The following LRRC4C variants were observed in gnomAD, a reference collection of about 807,000 sequenced individuals.
LRRC4C encodes leucine-rich repeat-containing protein 4C.
Under a neutral mutation model 33.6 loss-of-function variants are expected in LRRC4C, and 5 were observed. That is an observed-to-expected ratio of 0.15 (90% CI 0.08 to 0.31). The LOEUF is 0.31. LRRC4C is among the 10% of genes least tolerant of loss of function. LRRC4C has a pLI of 1.00. For synonymous variants in LRRC4C, 329 were observed against 302.0 expected (o/e 1.09, Z -0.93); for missense variants, 560 against 796.7 (o/e 0.70, Z 3.58).
chr11:40,323,341 T>C (rs1160213579), intron 3 of LRRC4C, among the ~76,000 whole-genome samples: 1 of 152,234 alleles, frequency 6.6e-6, no homozygotes, highest in African/African-American at 2.4e-5. Flanking sequence ...TACAACATGT[T>C]TTAAATTTAC....
At chr11:40,644,534 A>G (rs1942322576) in intron 3 of LRRC4C, among the ~76,000 whole-genome samples, 2 of 152,220 alleles carry the variant, frequency 1.3e-5, no homozygotes, top group South Asian at 4.1e-4. Context: ...ATCCTTCAAC[A>G]GGTAAATAAT....
chr11:40,555,931 C>T (rs1173969031), intron 3 of LRRC4C, among the ~76,000 whole-genome samples: 1 of 151,988 alleles, frequency 6.6e-6, no homozygotes, highest in Non-Finnish European at 1.5e-5. Context: ...TTCAATGTTC[C>T]TTATTTTATT....
chr11:41,019,570 ACT>A (rs1565307106), intron 1 of LRRC4C, among the ~76,000 whole-genome samples: 4 of 151,632 alleles, frequency 2.6e-5, no homozygotes, highest in Admixed American at 6.6e-5. Flanking sequence ...GGTATTTCTG[ACT>A]CTAGATCCTT....
At chr11:41,139,708 A>AT (rs61335742) in intron 1 of LRRC4C, among the ~76,000 whole-genome samples, 2 of 151,968 alleles carry the variant, frequency 1.3e-5, no homozygotes, top group African/African-American at 4.8e-5. Flanking sequence ...ATACTTTTCA[A>AT]TTTTTTTTTA....
chr11:40,948,296 GT>G (rs1958505749), intron 1 of LRRC4C, among the ~76,000 whole-genome samples: 1 of 152,122 alleles, frequency 6.6e-6, no homozygotes, highest in South Asian at 2.1e-4. Flanking sequence ...AGAACATAGA[GT>G]TCGTGGGTTT....
At chr11:40,875,637 A>T (rs78613820) in intron 2 of LRRC4C, among the ~76,000 whole-genome samples, 5,011 of 152,208 alleles carry the variant, frequency 0.033, 120 homozygotes, top group South Asian at 0.086. Context: ...TGGATAAGAG[A>T]TGTTCAACCT....
chr11:40,871,554 A>G (rs1954647756), intron 2 of LRRC4C, among the ~76,000 whole-genome samples: 1 of 152,136 alleles, frequency 6.6e-6, no homozygotes, highest in Non-Finnish European at 1.5e-5. Flanking sequence ...TCACAGCTTG[A>G]ATGATTACAT....
intron 3 of LRRC4C, among the ~76,000 whole-genome samples, chr11:40,516,730 T>A (rs1955575523): frequency 6.6e-6 from 1 of 152,104 alleles, no homozygotes; most frequent in African/African-American, 2.4e-5. Context: ...TTCTTCTGCA[T>A]AAAATTACCT....
At chr11:40,607,990 G>A (rs746031592) in intron 3 of LRRC4C, among the ~76,000 whole-genome samples, 1 of 152,030 alleles carries the variant, frequency 6.6e-6, no homozygotes, top group Non-Finnish European at 1.5e-5. Context: ...GCCCTGCGAG[G>A]GGGATAAGGG....
At chr11:40,787,080 G>A (rs565995747) in intron 2 of LRRC4C, among the ~76,000 whole-genome samples, 3 of 152,208 alleles carry the variant, frequency 2.0e-5, no homozygotes, top group African/African-American at 7.2e-5. Flanking sequence ...AGGAGCTGAA[G>A]AGCCACATAG....
chr11:40,360,266 AGAAAG>A (rs938027178), intron 3 of LRRC4C, among the ~76,000 whole-genome samples: 15 of 152,284 alleles, frequency 9.9e-5, no homozygotes, highest in Middle Eastern at 6.8e-3. Flanking sequence ...GACAGTATTT[AGAAAG>A]GCAAAGAAGG....
At chr11:40,175,431 A>C (rs1418694007) in intron 5 of LRRC4C, among the ~76,000 whole-genome samples, 1 of 152,180 alleles carries the variant, frequency 6.6e-6, no homozygotes, top group Admixed American at 6.5e-5. Flanking sequence ...GAATTCTTCT[A>C]CTCAAACAAA....
chr11:40,847,250 T>C (rs1216350980), intron 2 of LRRC4C, among the ~76,000 whole-genome samples: 1 of 152,168 alleles, frequency 6.6e-6, no homozygotes, highest in Non-Finnish European at 1.5e-5. Context: ...TGATTCAGCT[T>C]TTGCTCATTC....
intron 3 of LRRC4C, among the ~76,000 whole-genome samples, chr11:40,535,891 G>A (rs1956451068): frequency 6.6e-6 from 1 of 152,166 alleles, no homozygotes; most frequent in Admixed American, 6.5e-5. Context: ...CTAACTTACT[G>A]TACTTTTTCC....
At chr11:41,112,980 C>G (rs1284785306) in intron 1 of LRRC4C, among the ~76,000 whole-genome samples, 1 of 152,008 alleles carries the variant, frequency 6.6e-6, no homozygotes, top group Non-Finnish European at 1.5e-5. Flanking sequence ...TTAAAGGATA[C>G]AAACACAGAA....
At chr11:40,174,178 A>T (rs1860280180) in intron 5 of LRRC4C, among the ~76,000 whole-genome samples, 1 of 152,232 alleles carries the variant, frequency 6.6e-6, no homozygotes, top group Non-Finnish European at 1.5e-5. Context: ...ATAATATCGT[A>T]TTTATTATTG....
intron 1 of LRRC4C, among the ~76,000 whole-genome samples, chr11:41,173,426 CT>C (rs1358782510): frequency 6.6e-6 from 1 of 152,102 alleles, no homozygotes; most frequent in African/African-American, 2.4e-5. Context: ...TTTATTTACC[CT>C]TTGATATTCA....
At chr11:40,165,196 GTC>G (rs1369403185) in intron 5 of LRRC4C, among the ~76,000 whole-genome samples, 1 of 152,088 alleles carries the variant, frequency 6.6e-6, no homozygotes, top group East Asian at 1.9e-4. Context: ...GTCTGCACGT[GTC>G]TCTATTTTTA....
chr11:40,909,819 AC>A (rs1644670982), intron 2 of LRRC4C, among the ~76,000 whole-genome samples: 1 of 152,194 alleles, frequency 6.6e-6, no homozygotes, highest in African/African-American at 2.4e-5. Flanking sequence ...AAAGAAGACA[AC>A]TGAAAATCAA....
Sources: gnomAD v4.1 joint callset for allele counts (sites outside exome capture counted in the v4.1 genomes callset) on GRCh38, gnomAD v4.1.1 for gene constraint, MANE v1.5 for transcripts, NCBI Gene and HGNC (gene_info 2026-07-23, HGNC 2026-07-21) for gene names.